The following MMS22L variants were observed in gnomAD, a reference collection of about 807,000 sequenced individuals.
The protein encoded by MMS22L is protein MMS22-like.
A neutral mutation model predicts 159.1 loss-of-function variants in MMS22L; 74 were observed. The ratio of observed to expected loss-of-function variants is 0.47; its 90% CI spans 0.39 to 0.56. MMS22L has a LOEUF of 0.56. Ranked by LOEUF, MMS22L falls within the 20% of genes least tolerant of loss-of-function variation. MMS22L has a pLI of 0.00. For missense variants in MMS22L, 1,351 were observed against 1,422.1 expected, an observed-to-expected ratio of 0.95 and a Z score of 0.80; for synonymous variants, 517 against 506.9, an observed-to-expected ratio of 1.02 and a Z score of -0.27.
At chr6:97,279,823 T>C (rs968353679) in intron 3 of MMS22L, among the ~76,000 whole-genome samples, 2 of 151,402 alleles carry the variant, frequency 1.3e-5, no homozygotes, top group Non-Finnish European at 2.9e-5. Context: ...ACATAAAACA[T>C]TCTAGGTTAA....
At chr6:97,193,449 C>T (rs142804537) in intron 14 of MMS22L, among the ~76,000 whole-genome samples, 3 of 152,234 alleles carry the variant, frequency 2.0e-5, no homozygotes, top group African/African-American at 7.2e-5. Flanking sequence ...AGAATTTACC[C>T]TCATATTTTC....
intron 6 of MMS22L, chr6:97,270,998 T>C (rs1194290874): frequency 6.6e-6 from 1 of 152,126 alleles, no homozygotes; most frequent in Non-Finnish European, 1.5e-5. Flanking sequence ...AAAGTCAGCT[T>C]ACTTGATGAA....
chr6:97,201,255 G>A (rs1807124707), intron 14 of MMS22L, among the ~76,000 whole-genome samples: 1 of 152,040 alleles, frequency 6.6e-6, no homozygotes, highest in African/African-American at 2.4e-5. Context: ...ATTCTTTTGA[G>A]AAAAATCAGT....
At chr6:97,172,176 C>T (rs1803615365) in intron 19 of MMS22L, among the ~76,000 whole-genome samples, 1 of 152,034 alleles carries the variant, frequency 6.6e-6, no homozygotes, top group African/African-American at 2.4e-5. Flanking sequence ...GTGTATTTTA[C>T]TATTAAACTT....
intron 9 of MMS22L, chr6:97,259,646 C>T (rs913901183): frequency 1.3e-5 from 2 of 151,880 alleles, no homozygotes; most frequent in Admixed American, 6.6e-5. Context: ...ACCTCAGATT[C>T]GGGACTTCTT....
At position 97,220,137 on chromosome 6, in the gene MMS22L, A is replaced by G. The variant is rs59581213; in HGVS notation, c.2039+8757T>C. Among the ~76,000 whole-genome samples, 1,418 of 152,294 alleles carry G rather than the reference A, an allele frequency of 9.3e-3. 22 individuals are homozygous for G. Among genetic ancestry groups the G allele is most frequent in the African/African-American group, 0.033 (1,360 of 41,564 alleles). ...TGGCCTGAACCCTCAATTGGTTTTG[A>G]CAAGAGGTCAAACTTGTCAACTTTG... On this transcript the variant is annotated intron_variant, in intron 14 of 24. Transcript: ENST00000683635.
chr6:97,278,451 GA>G lies in MMS22L; in HGVS notation c.340+397del, dbSNP rs1195165864. 2.8e-5 allele frequency among the ~76,000 whole-genome samples: 4 copies of G among 141,990 alleles called. No individual in the cohort carries two copies. In the South Asian group the frequency reaches 6.7e-4, roughly 24 times the overall value. The allele number at this position is 141,990 out of a possible 152,430, so 93.2% of individuals were successfully genotyped here. On this transcript the variant is annotated intron_variant, in intron 4 of 24. Coordinates refer to ENST00000683635, the MANE Select transcript of MMS22L (RefSeq NM_001350599.2). ...ACCAACTATACCAATCTAAACAAAA[GA>G]AAAAAAAATCAGTAATCCATCACAC...
chr6:97,228,415 G>T (rs143207886), intron 14 of MMS22L, among the ~76,000 whole-genome samples: 14 of 152,238 alleles, frequency 9.2e-5, no homozygotes, highest in African/African-American at 3.1e-4. Flanking sequence ...AATCCAAAAT[G>T]CCCCAAAATT....
intron 11 of MMS22L, among the ~76,000 whole-genome samples, chr6:97,238,481 T>A (rs1811671068): frequency 6.6e-6 from 1 of 152,028 alleles, no homozygotes; most frequent in Non-Finnish European, 1.5e-5. Flanking sequence ...GGGCCTCTTT[T>A]CCACAAAGCC....
At chr6:97,195,183 G>A (rs930209412) in intron 14 of MMS22L, among the ~76,000 whole-genome samples, 3 of 152,164 alleles carry the variant, frequency 2.0e-5, no homozygotes, top group African/African-American at 7.2e-5. Flanking sequence ...ATATGGGGAA[G>A]AATATTCCAG....
At chr6:97,273,224 C>A in intron 4 of MMS22L, 162 bp from the exon 5 acceptor site, 1 of 620,200 alleles carries the variant, frequency 1.6e-6, no homozygotes, top group Non-Finnish European at 2.8e-6. Flanking sequence ...AAAAAATGCT[C>A]TTATTAAAGT....
At chr6:97,234,178 A>G (rs1226836195) in intron 11 of MMS22L, among the ~76,000 whole-genome samples, 198 bp from the exon 12 acceptor site, 3 of 152,182 alleles carry the variant, frequency 2.0e-5, no homozygotes, top group African/African-American at 7.2e-5. Flanking sequence ...AACACCATTA[A>G]CACATTCAGA....
At chr6:97,163,425 T>C (rs1006994938) in intron 21 of MMS22L, among the ~76,000 whole-genome samples, 1 of 151,884 alleles carries the variant, frequency 6.6e-6, no homozygotes, top group African/African-American at 2.4e-5. Flanking sequence ...AGACAATCTC[T>C]ATATCTTTCC....
chr6:97,214,220 C>T (rs1043416943), intron 14 of MMS22L, among the ~76,000 whole-genome samples: 1 of 152,092 alleles, frequency 6.6e-6, no homozygotes, highest in African/African-American at 2.4e-5. Flanking sequence ...ACCCAAGAGC[C>T]CTGCCAAGAC....
At chr6:97,266,160 A>G (rs1815089822) in intron 8 of MMS22L, 1 of 152,244 alleles carries the variant, frequency 6.6e-6, no homozygotes, top group South Asian at 2.1e-4. Flanking sequence ...CCAAAAAGAC[A>G]AAAGATAATA....
intron 14 of MMS22L, among the ~76,000 whole-genome samples, chr6:97,225,247 A>T (rs556630937): frequency 6.6e-6 from 1 of 152,362 alleles, no homozygotes; most frequent in Non-Finnish European, 1.5e-5. Context: ...AATAGAGAAA[A>T]GAGTTCCTCT....
chr6:97,179,322 C>A, intron 17 of MMS22L, 86 bp downstream of exon 17: 3 of 1,150,278 alleles, frequency 2.6e-6, no homozygotes, highest in Middle Eastern at 2.1e-4. Context: ...TGTATATTTT[C>A]TATTAATTAC....
chr6:97,273,172 T>C, intron 4 of MMS22L, 110 bp from the exon 5 acceptor site: 1 of 840,516 alleles, frequency 1.2e-6, no homozygotes, highest in East Asian at 2.4e-5. Flanking sequence ...TAACATTTTA[T>C]ATTAAACATT....
chr6:97,214,301 A>G (rs1321474763), intron 14 of MMS22L, among the ~76,000 whole-genome samples: 2 of 152,232 alleles, frequency 1.3e-5, no homozygotes, highest in Admixed American at 6.5e-5. Flanking sequence ...GTTTTCACAA[A>G]TAAGAAATAG....
Sources: gnomAD v4.1 joint callset for allele counts (sites outside exome capture counted in the v4.1 genomes callset) on GRCh38, gnomAD v4.1.1 for gene constraint, MANE v1.5 for transcripts, NCBI Gene and HGNC (gene_info 2026-07-23, HGNC 2026-07-21) for gene names.